MAPK8: variants seen among roughly 807,000 people sequenced by gnomAD.
MAPK8 encodes the protein JUN N-terminal kinase.
MAPK8 carries 13 observed loss-of-function variants against 52.9 expected under a neutral mutation model. The observed-to-expected ratio is 0.25, with a 90% CI of 0.16 to 0.39. MAPK8 has a LOEUF of 0.39. MAPK8 is among the 10% of genes least tolerant of loss of function. MAPK8 has a pLI of 1.00. For synonymous variants in MAPK8, 191 were observed against 169.8 expected, an observed-to-expected ratio of 1.12 and a Z score of -0.97; for missense variants, 300 against 519.2, an observed-to-expected ratio of 0.58 and a Z score of 4.10.
At chr10:48,411,569 A>G (rs2042748053) in intron 5 of MAPK8, among the ~76,000 whole-genome samples, 1 of 152,108 alleles carries the variant, frequency 6.6e-6, no homozygotes, top group Non-Finnish European at 1.5e-5. Flanking sequence ...CTCCAGCTTT[A>G]TTCTTTTACA....
At chr10:48,421,912 A>G (rs1241729138) in intron 6 of MAPK8, among the ~76,000 whole-genome samples, 1 of 152,140 alleles carries the variant, frequency 6.6e-6, no homozygotes, top group South Asian at 2.1e-4. Flanking sequence ...AACGGAGTCA[A>G]ATGTAATGCT....
chr10:48,324,956 T>TTTTTTTGTTTTTG (rs112462799), intron 1 of MAPK8, among the ~76,000 whole-genome samples: 123,634 of 151,066 alleles, frequency 0.82, 50,940 homozygotes, highest in African/African-American at 0.92. Context: ...GCAAATGGTG[T>TTTTTTTGTTTTTG]TTTTTTGTTT....
intron 3 of MAPK8, among the ~76,000 whole-genome samples, chr10:48,407,402 G>A (rs987442917): frequency 2.0e-5 from 3 of 152,030 alleles, no homozygotes; most frequent in Non-Finnish European, 4.4e-5. Flanking sequence ...GTTCTTTGTT[G>A]TTTTTATTCA....
intron 1 of MAPK8, among the ~76,000 whole-genome samples, chr10:48,394,657 A>G (rs1281849967): frequency 6.6e-6 from 1 of 151,942 alleles, no homozygotes; most frequent in Non-Finnish European, 1.5e-5. Context: ...TGAAAGACTG[A>G]ATGCTTTCTC....
intron 1 of MAPK8, chr10:48,308,100 C>T (rs1261737258): frequency 6.6e-6 from 1 of 152,166 alleles, no homozygotes; most frequent in African/African-American, 2.4e-5. Context: ...TCCAGTCTTG[C>T]AGCCTTACAG....
At chr10:48,321,434 G>T (rs1441097320) in intron 1 of MAPK8, among the ~76,000 whole-genome samples, 4 of 152,134 alleles carry the variant, frequency 2.6e-5, no homozygotes, top group African/African-American at 9.7e-5. Context: ...CAGATGTATG[G>T]TTTATAAATA....
chr10:48,366,613 A>G (rs1211520747), intron 1 of MAPK8, among the ~76,000 whole-genome samples: 3 of 152,196 alleles, frequency 2.0e-5, no homozygotes, highest in Admixed American at 6.5e-5. Flanking sequence ...ATTGAACAGT[A>G]TAAAAATAAG....
intron 1 of MAPK8, among the ~76,000 whole-genome samples, chr10:48,350,744 A>G (rs1846237566): frequency 1.3e-5 from 2 of 152,232 alleles, no homozygotes; most frequent in South Asian, 4.1e-4. Flanking sequence ...CCTATTCAAT[A>G]TAGTATTGGA....
At chr10:48,309,116 C>G (rs1841697907) in intron 1 of MAPK8, among the ~76,000 whole-genome samples, 2 of 152,172 alleles carry the variant, frequency 1.3e-5, no homozygotes, top group African/African-American at 2.4e-5. Context: ...GGCAGTAGCT[C>G]ACAGGCTGTG....
At chr10:48,376,209 C>A (rs759223896) in intron 1 of MAPK8, among the ~76,000 whole-genome samples, 1 of 152,152 alleles carries the variant, frequency 6.6e-6, no homozygotes, top group Non-Finnish European at 1.5e-5. Flanking sequence ...AACTGGATTC[C>A]TTCCTTACAC....
chr10:48,406,576 A>G (rs1322512229), intron 3 of MAPK8, among the ~76,000 whole-genome samples: 1 of 152,198 alleles, frequency 6.6e-6, no homozygotes, highest in Non-Finnish European at 1.5e-5. Context: ...TACTCAGAAT[A>G]TATTTGTTCA....
intron 1 of MAPK8, among the ~76,000 whole-genome samples, chr10:48,317,803 A>G (rs535235394): frequency 5.5e-4 from 83 of 152,172 alleles, no homozygotes; most frequent in Non-Finnish European, 9.9e-4. Context: ...TGTTTGCTCA[A>G]TGAAGCATGA....
intron 1 of MAPK8, among the ~76,000 whole-genome samples, chr10:48,346,589 G>C (rs1823118443): frequency 6.6e-6 from 1 of 152,134 alleles, no homozygotes; most frequent in Admixed American, 6.5e-5. Context: ...GTTTAGAGAA[G>C]ACTTTGCTCC....
At chr10:48,399,543 C>A (rs2042053981) in intron 1 of MAPK8, among the ~76,000 whole-genome samples, 1 of 152,142 alleles carries the variant, frequency 6.6e-6, no homozygotes, top group Non-Finnish European at 1.5e-5. Flanking sequence ...TGTGGCCGGG[C>A]CACCCTGTTC....
At chr10:48,391,616 C>T (rs757847277) in intron 1 of MAPK8, among the ~76,000 whole-genome samples, 8 of 152,132 alleles carry the variant, frequency 5.3e-5, no homozygotes, top group Non-Finnish European at 7.4e-5. Flanking sequence ...GGGAGTTCCC[C>T]ACACACCAAG....
At position 48,426,456 on chromosome 10, in the gene MAPK8, C is replaced by T; in HGVS notation, c.948C>T (p.Leu316=). ...AAAGGATCTCTGTAGATGAAGCTCT[C>T]CAACACCCGTACATCAATGTCTGGT... ...ASKRISVDEA[L]QHPYINVWYD... is the part of the protein sequence containing the mutation. Residue 316 remains leucine, a synonymous_variant, in exon 9 of 12, where the codon CTC becomes CTT. Coordinates refer to ENST00000374189, the MANE Select transcript of MAPK8 (RefSeq NM_001323329.2). 1 of 1,611,938 alleles carries T rather than the reference C, an allele frequency of 6.2e-7. No homozygotes were observed.
At chr10:48,424,018 CATATT>C in intron 6 of MAPK8, 65 bp from the exon 7 acceptor site, 3 of 1,165,882 alleles carry the variant, frequency 2.6e-6, no homozygotes, top group South Asian at 2.9e-5. Context: ...ATAATGCAGT[CATATT>C]ATGCTTCTTT....
At chr10:48,403,181 C>G (rs796915591) in intron 2 of MAPK8, among the ~76,000 whole-genome samples, 2 of 152,074 alleles carry the variant, frequency 1.3e-5, no homozygotes. Context: ...CAGAGCAAGC[C>G]GGGCGCGGTG....
At chr10:48,367,691 A>G (rs995624111) in intron 1 of MAPK8, among the ~76,000 whole-genome samples, 2 of 152,232 alleles carry the variant, frequency 1.3e-5, no homozygotes, top group African/African-American at 2.4e-5. Flanking sequence ...AGTTGACAGA[A>G]TAAGTTTACA....
Sources: gnomAD v4.1 joint callset for allele counts (sites outside exome capture counted in the v4.1 genomes callset) on GRCh38, gnomAD v4.1.1 for gene constraint, MANE v1.5 for transcripts, NCBI Gene and HGNC (gene_info 2026-07-23, HGNC 2026-07-21) for gene names.